Variants in DOCK3 observed in about 807,000 individuals in gnomAD.
DOCK3 encodes the protein dedicator of cytokinesis protein 3.
In DOCK3, 60 loss-of-function variants were observed where a neutral mutation model predicts 265.6. The ratio of observed to expected loss-of-function variants is 0.23; its 90% CI spans 0.18 to 0.28. The LOEUF is 0.28. Ranked by LOEUF, DOCK3 falls within the 10% of genes least tolerant of loss-of-function variation. The pLI is 1.00. For synonymous variants in DOCK3, 881 were observed against 938.0 expected (o/e 0.94, Z 1.11); for missense variants, 1,981 against 2,594.3 (o/e 0.76, Z 5.14).
intron 5 of DOCK3, among the ~76,000 whole-genome samples, chr3:50,953,007 T>C (rs2076633918): frequency 6.6e-6 from 1 of 152,188 alleles, no homozygotes; most frequent in Non-Finnish European, 1.5e-5. Flanking sequence ...GACTCTTATC[T>C]TCCTTAGAAG....
At chr3:51,162,017 CT>C (rs2086165571) in intron 12 of DOCK3, among the ~76,000 whole-genome samples, 1 of 152,186 alleles carries the variant, frequency 6.6e-6, no homozygotes, top group African/African-American at 2.4e-5. Context: ...TCTATCTTTG[CT>C]CATATAGTTA....
intron 7 of DOCK3, among the ~76,000 whole-genome samples, chr3:51,087,664 T>C (rs2082476707): frequency 6.6e-6 from 1 of 152,168 alleles, no homozygotes; most frequent in South Asian, 2.1e-4. Context: ...ATAAAAGGCA[T>C]TTAAATTGGA....
At chr3:51,007,987 T>C (rs1052568670) in intron 5 of DOCK3, among the ~76,000 whole-genome samples, 2 of 152,110 alleles carry the variant, frequency 1.3e-5, no homozygotes, top group Non-Finnish European at 2.9e-5. Flanking sequence ...CTGTATCTCT[T>C]TTCTGGTACC....
chr3:51,284,578 T>C (rs886918717), intron 27 of DOCK3, among the ~76,000 whole-genome samples: 1 of 152,188 alleles, frequency 6.6e-6, no homozygotes, highest in African/African-American at 2.4e-5. Flanking sequence ...CAGCTCCGAT[T>C]TTTCTCTTTA....
At position 51,362,798 on chromosome 3, in the gene DOCK3, G is replaced by C. The variant is rs527364823; in HGVS notation, c.5293+124G>C. ...TGTGACTTAGAGAATACTCATTTGT[G>C]CTTTTACCACTAAGGACTCGAGAGT... On this transcript the variant is annotated intron_variant, in intron 49 of 52. Coordinates refer to ENST00000266037, the MANE Select transcript of DOCK3 (RefSeq NM_004947.5). 8.0e-6 allele frequency: 11 copies of C among 1,383,058 alleles called. No homozygotes were observed. In the African/African-American group the frequency reaches 1.3e-4, roughly 16 times the overall value. 85.7% of individuals were successfully genotyped at this position (1,383,058 alleles called of 1,614,324 possible).
chr3:50,753,638 C>G (rs1468867704), intron 1 of DOCK3, among the ~76,000 whole-genome samples: 1 of 152,166 alleles, frequency 6.6e-6, no homozygotes, highest in East Asian at 1.9e-4. Flanking sequence ...GCTGGGATTA[C>G]AGGCGTGAGG....
intron 27 of DOCK3, among the ~76,000 whole-genome samples, chr3:51,294,904 C>CA (rs1451916845): frequency 6.6e-6 from 1 of 151,716 alleles, no homozygotes; most frequent in Non-Finnish European, 1.5e-5. Context: ...GTTCTCACCA[C>CA]AAAAAAATGA....
intron 40 of DOCK3, among the ~76,000 whole-genome samples, chr3:51,353,733 C>T (rs1576910320): frequency 1.3e-5 from 2 of 152,388 alleles, no homozygotes; most frequent in South Asian, 2.1e-4. Flanking sequence ...CTTACAAGGC[C>T]TGCCCTGTGA....
At chr3:50,727,881 G>A (rs1243919688) in intron 1 of DOCK3, among the ~76,000 whole-genome samples, 1 of 152,094 alleles carries the variant, frequency 6.6e-6, no homozygotes, top group East Asian at 1.9e-4. Flanking sequence ...TTTAACATCC[G>A]TTTTTTAGTA....
intron 1 of DOCK3, among the ~76,000 whole-genome samples, chr3:50,704,535 C>T (rs2036260713): frequency 6.6e-6 from 1 of 151,898 alleles, no homozygotes; most frequent in African/African-American, 2.4e-5. Context: ...ACTATAATTA[C>T]TCCAGTATGC....
chr3:51,063,820 T>C (rs1041686795), intron 5 of DOCK3, among the ~76,000 whole-genome samples: 1 of 152,186 alleles, frequency 6.6e-6, no homozygotes, highest in Non-Finnish European at 1.5e-5. Flanking sequence ...GATGTTTCCG[T>C]TTAACTCTTA....
intron 5 of DOCK3, among the ~76,000 whole-genome samples, chr3:51,002,521 A>G (rs1559921008): frequency 1.3e-5 from 2 of 152,212 alleles, no homozygotes; most frequent in African/African-American, 2.4e-5. Flanking sequence ...TCCACAGCTT[A>G]TAAAGATTTT....
At chr3:50,915,042 C>T (rs1253594138) in intron 4 of DOCK3, among the ~76,000 whole-genome samples, 1 of 151,978 alleles carries the variant, frequency 6.6e-6, no homozygotes, top group Non-Finnish European at 1.5e-5. Context: ...TATAGATTGC[C>T]CACACAGCCA....
intron 7 of DOCK3, among the ~76,000 whole-genome samples, chr3:51,085,300 C>G (rs1186231851): frequency 6.6e-6 from 1 of 152,174 alleles, no homozygotes; most frequent in African/African-American, 2.4e-5. Context: ...ATCAGGCTTA[C>G]TCTGTTCTAT....
At chr3:51,140,027 G>A (rs1233604263) in intron 9 of DOCK3, among the ~76,000 whole-genome samples, 1 of 152,232 alleles carries the variant, frequency 6.6e-6, no homozygotes, top group Non-Finnish European at 1.5e-5. Context: ...ATCTTGGAGA[G>A]TTTACGTGTT....
intron 4 of DOCK3, among the ~76,000 whole-genome samples, chr3:50,906,608 T>C (rs1251755098): frequency 6.6e-6 from 1 of 152,126 alleles, no homozygotes; most frequent in Non-Finnish European, 1.5e-5. Flanking sequence ...TCGGTGGTGA[T>C]ATCCCCCTTA....
At chr3:51,022,738 AT>A (rs1441274222) in intron 5 of DOCK3, among the ~76,000 whole-genome samples, 1 of 152,020 alleles carries the variant, frequency 6.6e-6, no homozygotes, top group Non-Finnish European at 1.5e-5. Context: ...CAAATTGTCA[AT>A]TTTGGTTTTC....
intron 2 of DOCK3, among the ~76,000 whole-genome samples, chr3:50,784,357 C>G (rs1360692982): frequency 6.6e-6 from 1 of 152,156 alleles, no homozygotes; most frequent in Non-Finnish European, 1.5e-5. Context: ...CTATTCTGTT[C>G]CATTTGTCTA....
intron 3 of DOCK3, among the ~76,000 whole-genome samples, chr3:50,856,208 G>T (rs2046589598): frequency 6.6e-6 from 1 of 152,172 alleles, no homozygotes; most frequent in South Asian, 2.1e-4. Context: ...CCCAGTAATG[G>T]GATTGCTGGG....
Sources: gnomAD v4.1 joint callset for allele counts (sites outside exome capture counted in the v4.1 genomes callset) on GRCh38, gnomAD v4.1.1 for gene constraint, MANE v1.5 for transcripts, NCBI Gene and HGNC (gene_info 2026-07-23, HGNC 2026-07-21) for gene names.